The following VTI1B variants were observed in gnomAD, a reference collection of about 807,000 sequenced individuals.
The protein encoded by VTI1B is vesicle transport through interaction with t-SNAREs homolog 1B.
In VTI1B, 18 loss-of-function variants were observed where a neutral mutation model predicts 28.6. That is an observed-to-expected ratio of 0.63 (90% CI 0.43 to 0.93). The LOEUF (loss-of-function observed/expected upper bound fraction) is 0.93. VTI1B is among the 40% of genes least tolerant of loss of function. The probability of loss-of-function intolerance (pLI) is 0.00; values close to 1 mark genes in which losing one functional copy is unlikely to be tolerated. For synonymous variants in VTI1B, 100 were observed against 107.9 expected (o/e 0.93, Z 0.46); for missense variants, 283 against 297.0 (o/e 0.95, Z 0.35).
At chr14:67,654,409 C>T (rs1312175365) in intron 4 of VTI1B, among the ~76,000 whole-genome samples, 2 of 152,190 alleles carry the variant, frequency 1.3e-5, no homozygotes, top group Admixed American at 1.3e-4. Context: ...TCCCAAAGTG[C>T]TAAAATTACA....
chr14:67,653,420 A>G lies in VTI1B; in HGVS notation c.602+17T>C, dbSNP rs200150278. On this transcript the variant is annotated intron_variant, in intron 5 of 5. Transcript: ENST00000554659. The stretch of plus-strand genomic sequence containing the variant: ...CCACTGAGTTAAGAGAAATTTCATG[A>G]CTTTAATAAAACTTACTTTCTGGAC... The G allele has an allele frequency of 1.8e-5, 29 of 1,611,598 alleles. No individual in the cohort carries two copies. In the South Asian group the frequency reaches 2.9e-4, roughly 16 times the overall value.
chr14:67,648,001 C>G lies in VTI1B; in HGVS notation c.*3384G>C. The G allele has an allele frequency of 1.3e-6, 2 of 1,524,332 alleles. No individual in the cohort carries two copies. The highest frequency in any genetic ancestry group is 1.8e-6 in the Non-Finnish European group (2 of 1,123,146). 94.4% of individuals were successfully genotyped at this position (1,524,332 alleles called of 1,614,324 possible). A position where few individuals can be genotyped will look rare whatever the true frequency, so the allele number is the denominator to read the frequency against. ...AGAAGGATGAGTGTCCAAGGACAAC[C>G]AGTTAAGTATTATTTTAAGTATTAT... On this transcript the variant is annotated 3_prime_UTR_variant, in exon 6 of 6. Coordinates refer to ENST00000554659, the MANE Select transcript of VTI1B (RefSeq NM_006370.3).
chr14:67,667,847 G>A (rs572579569), intron 1 of VTI1B, among the ~76,000 whole-genome samples: 1 of 152,262 alleles, frequency 6.6e-6, no homozygotes, highest in Admixed American at 6.5e-5. Context: ...GGGAGGCTGA[G>A]GCAGAAGAAT....
In VTI1B at chr14:67,648,592, G is replaced by C. The variant is rs1476893106; in HGVS notation, c.*2793C>G. On this transcript the variant is annotated 3_prime_UTR_variant, in exon 6 of 6. Coordinates refer to ENST00000554659, the MANE Select transcript of VTI1B (RefSeq NM_006370.3). ...AATTTGGAGCTAAAGCTGATCTCTT[G>C]AAGAAATCTGCAAACTGGACAATAT... 1 of 156,202 alleles carries C rather than the reference G, an allele frequency of 6.4e-6. No individual in the cohort carries two copies. The highest frequency in any genetic ancestry group is 2.4e-5 in the African/African-American group (1 of 41,564). The allele number at this position is 156,202 out of a possible 1,614,324, so 9.7% of individuals were successfully genotyped here. A position where few individuals can be genotyped will look rare whatever the true frequency, so the allele number is the denominator to read the frequency against.
intron 5 of VTI1B, chr14:67,652,313 G>GA (rs776376750): frequency 6.5e-6 from 1 of 153,510 alleles, no homozygotes; most frequent in Non-Finnish European, 1.5e-5. Context: ...TATGGACTAG[G>GA]AGTCCATACA....
At chr14:67,669,771 T>C (rs575941857) in intron 1 of VTI1B, among the ~76,000 whole-genome samples, 151 of 152,254 alleles carry the variant, frequency 9.9e-4, no homozygotes, top group African/African-American at 3.5e-3. Context: ...CCCTCACTCC[T>C]CATATCCATT....
Position 67,647,868 on chromosome 14 carries a change from T to G in VTI1B, c.*3517A>C, listed in dbSNP as rs1594830738. The G allele has an allele frequency of 7.9e-6, 5 of 636,380 alleles. No homozygotes were observed. In the East Asian group the frequency reaches 1.4e-4, roughly 18 times the overall value. The allele number at this position is 636,380 out of a possible 1,614,324, so 39.4% of individuals were successfully genotyped here. A position where few individuals can be genotyped will look rare whatever the true frequency, so the allele number is the denominator to read the frequency against. On this transcript the variant is annotated 3_prime_UTR_variant, in exon 6 of 6. Coordinates refer to ENST00000554659, the MANE Select transcript of VTI1B (RefSeq NM_006370.3). ...TGAAGTGGTATGTAGGAAGTTAATA[T>G]TGCCAATCTCAGTAACTTCCAAGAA...
At chr14:67,673,295 G>A (rs947060813) in intron 1 of VTI1B, among the ~76,000 whole-genome samples, 1 of 152,046 alleles carries the variant, frequency 6.6e-6, no homozygotes, top group African/African-American at 2.4e-5. Context: ...AGTGAGCCGA[G>A]ATCGTGCCAC....
At chr14:67,670,570 T>C (rs1454840682) in intron 1 of VTI1B, among the ~76,000 whole-genome samples, 1 of 152,040 alleles carries the variant, frequency 6.6e-6, no homozygotes. Context: ...TTGTTACCTT[T>C]TTTTTTTTCT....
At position 67,651,042 on chromosome 14, in the gene VTI1B, TC is replaced by T. The variant is rs1216824769; in HGVS notation, c.*342del. ...TGCCTTAATGAGAACATTTACACAT[TC>T]TCACAATTGTAAAGTTTCCCCTCTA... On this transcript the variant is annotated 3_prime_UTR_variant, in exon 6 of 6. Transcript: ENST00000554659. The T allele has an allele frequency of 4.5e-6, 5 of 1,122,980 alleles. No homozygotes were observed. The highest frequency in any genetic ancestry group is 6.4e-6 in the Non-Finnish European group (5 of 785,342). The allele number at this position is 1,122,980 out of a possible 1,614,324, so 69.6% of individuals were successfully genotyped here. A position where few individuals can be genotyped will look rare whatever the true frequency, so the allele number is the denominator to read the frequency against.
chr14:67,649,176 T>A lies in VTI1B; in HGVS notation c.*2209A>T, dbSNP rs1206915822. On this transcript the variant is annotated 3_prime_UTR_variant, in exon 6 of 6. Coordinates refer to ENST00000554659, the MANE Select transcript of VTI1B (RefSeq NM_006370.3). ...AGGGGTTAATAACCTCTAGCACTTATATATGGCATGGCTTGTCTCTTTGTT... is the reference window on the plus strand; with the variant it reads ...AGGGGTTAATAACCTCTAGCACTTAAATATGGCATGGCTTGTCTCTTTGTT... 6.6e-6 allele frequency: 1 copy of A among 152,176 alleles called. No homozygotes were observed. The highest frequency in any genetic ancestry group is 1.5e-5 in the Non-Finnish European group (1 of 68,046). 9.4% of individuals were successfully genotyped at this position (152,176 alleles called of 1,614,324 possible).
In VTI1B at chr14:67,650,705, G is replaced by A; in HGVS notation, c.*680C>T. 1.9e-6 allele frequency: 3 copies of A among 1,613,186 alleles called. No homozygotes were observed. Among genetic ancestry groups the A allele is most frequent in the Non-Finnish European group, 1.7e-6 (2 of 1,179,838 alleles). ...GGAACCTGAGGTTTTGTCACACTTT[G>A]TTCTTCCAGGGTTGCTATCAGCACT... On this transcript the variant is annotated 3_prime_UTR_variant, in exon 6 of 6. Transcript: ENST00000554659.
Position 67,674,568 on chromosome 14 carries a change from G to A in VTI1B, c.-79C>T. On this transcript the variant is annotated 5_prime_UTR_variant, in exon 1 of 6. Transcript: ENST00000554659. ...TCCTAGCCCGGCGGTCAGCCGCCCA[G>A]CCCAGTGGCCATAACGGCGACCGCC... 8 of 1,266,242 alleles carry A rather than the reference G, an allele frequency of 6.3e-6. No homozygotes were observed. In the South Asian group the frequency reaches 1.1e-4, roughly 18 times the overall value. 78.4% of individuals were successfully genotyped at this position (1,266,242 alleles called of 1,614,324 possible). A position where few individuals can be genotyped will look rare whatever the true frequency, so the allele number is the denominator to read the frequency against.
In VTI1B at chr14:67,662,582, A is replaced by T. The variant is rs372299362; in HGVS notation, c.116-47T>A. The T allele has an allele frequency of 9.2e-6, 14 of 1,529,284 alleles. No individual in the cohort carries two copies. The African/African-American group carries it at 1.9e-4, about 21-fold the overall frequency. 94.7% of individuals were successfully genotyped at this position (1,529,284 alleles called of 1,614,324 possible). ...CAAATGCTTATTACTGTTTCCACAC[A>T]TTTGTAAAGGCCATTCCCTCTGCTT... On this transcript the variant is annotated intron_variant, in intron 1 of 5. Coordinates refer to ENST00000554659, the MANE Select transcript of VTI1B (RefSeq NM_006370.3).
At chr14:67,673,546 C>G (rs1247700150) in intron 1 of VTI1B, among the ~76,000 whole-genome samples, 2 of 152,204 alleles carry the variant, frequency 1.3e-5, no homozygotes, top group East Asian at 1.9e-4. Context: ...CCTCACAATT[C>G]ACCAGCACCT....
At chr14:67,664,504 T>TC (rs1165857533) in intron 1 of VTI1B, among the ~76,000 whole-genome samples, 1 of 150,974 alleles carries the variant, frequency 6.6e-6, no homozygotes, top group Non-Finnish European at 1.5e-5. Context: ...AGCAATTTTT[T>TC]TTTTTTTCTT....
chr14:67,660,404 C>CTA (rs764494982), intron 2 of VTI1B, among the ~76,000 whole-genome samples: 108 of 152,008 alleles, frequency 7.1e-4, no homozygotes, highest in Non-Finnish European at 2.9e-4. Context: ...GACCTCATCT[C>CTA]TATATATATA....
At chr14:67,657,729 G>A (rs1024656492) in intron 3 of VTI1B, among the ~76,000 whole-genome samples, 1 of 151,118 alleles carries the variant, frequency 6.6e-6, no homozygotes, top group African/African-American at 2.4e-5. Context: ...AACAGAAGTA[G>A]CAAGGAGCAT....
chr14:67,653,082 C>T (rs12888119), intron 5 of VTI1B, among the ~76,000 whole-genome samples: 19,063 of 152,156 alleles, frequency 0.13, 1,463 homozygotes, highest in South Asian at 0.33. Flanking sequence ...AGCCACCGCA[C>T]GGGGCTGAGA....
Sources: allele counts gnomAD v4.1 joint callset (sites outside exome capture counted in the v4.1 genomes callset), GRCh38; gene constraint gnomAD v4.1.1; transcripts MANE v1.5; gene names NCBI Gene and HGNC (gene_info 2026-07-23, HGNC 2026-07-21).